Variants in CSMD1 observed in about 807,000 individuals in gnomAD.
The protein encoded by CSMD1 is CUB and sushi domain-containing protein 1.
A neutral mutation model predicts 417.5 loss-of-function variants in CSMD1; 213 were observed. The observed-to-expected ratio is 0.51, with a 90% CI of 0.46 to 0.57. The LOEUF (loss-of-function observed/expected upper bound fraction) is 0.57. CSMD1 is among the 20% of genes least tolerant of loss of function. The probability of loss-of-function intolerance (pLI) is 0.00; values close to 1 mark genes in which losing one functional copy is unlikely to be tolerated. For synonymous variants in CSMD1, 2,862 were observed against 1,736.8 expected (o/e 1.65, Z -16.11); for missense variants, 6,923 against 4,529.7 (o/e 1.53, Z -15.17).
intron 3 of CSMD1, among the ~76,000 whole-genome samples, chr8:4,166,648 G>T (rs181887194): frequency 7.9e-5 from 12 of 152,200 alleles, no homozygotes; most frequent in African/African-American, 2.6e-4. Context: ...TGCATATTGG[G>T]TACCGTGTAC....
intron 49 of CSMD1, among the ~76,000 whole-genome samples, chr8:3,076,171 C>T (rs1228823139): frequency 6.6e-6 from 1 of 152,196 alleles, no homozygotes; most frequent in Non-Finnish European, 1.5e-5. Flanking sequence ...GATTTTCTCA[C>T]AGTCCTGGAG....
intron 51 of CSMD1, among the ~76,000 whole-genome samples, chr8:3,020,341 T>G (rs1272838917): frequency 6.6e-6 from 1 of 152,128 alleles, no homozygotes; most frequent in Admixed American, 6.5e-5. Context: ...GAAAATAAAG[T>G]GATGCATGTA....
intron 3 of CSMD1, among the ~76,000 whole-genome samples, chr8:4,148,543 T>A (rs369590969): frequency 6.6e-6 from 1 of 152,064 alleles, no homozygotes; most frequent in Non-Finnish European, 1.5e-5. Context: ...CATTGGCTAC[T>A]TGGAGTTCTG....
chr8:3,708,991 C>G (rs1230638156), intron 6 of CSMD1, among the ~76,000 whole-genome samples: 3 of 152,142 alleles, frequency 2.0e-5, no homozygotes, highest in South Asian at 2.1e-4. Context: ...GAAAGGCATG[C>G]TCTACGTGCT....
intron 1 of CSMD1, among the ~76,000 whole-genome samples, chr8:4,655,393 A>C (rs999232609): frequency 6.6e-6 from 1 of 152,096 alleles, no homozygotes; most frequent in Non-Finnish European, 1.5e-5. Context: ...ACTAAGTGAT[A>C]GGAAGTAAAT....
rs1457442752 is a variant in CSMD1, at chr8:2,974,530, C to T, written c.8661G>A (p.Gly2887=). The T allele has an allele frequency of 6.2e-7, 1 of 1,613,616 alleles. No individual in the cohort carries two copies. Among genetic ancestry groups the T allele is most frequent in the Non-Finnish European group, 8.5e-7 (1 of 1,179,758 alleles). The change falls in exon 56 of 70, where the codon GGG becomes GGA. Residue 2887 remains glycine, a synonymous_variant. Transcript: ENST00000635120. Reference sequence around the variant, plus strand: ...TGTCGTTGCCTATGAGGCTCTCGCTCCCTCTGCAGGAGTAGTGCACGACGG... The same window carrying T: ...TGTCGTTGCCTATGAGGCTCTCGCTTCCTCTGCAGGAGTAGTGCACGACGG... ...YGAVVHYSCR[G]SESLIGNDTR...
intron 3 of CSMD1, among the ~76,000 whole-genome samples, chr8:4,396,902 A>G (rs1479416325): frequency 2.0e-5 from 3 of 152,248 alleles, no homozygotes; most frequent in Middle Eastern, 3.4e-3. Context: ...GGCAGATGGG[A>G]AACAAAAGAC....
chr8:3,654,198 T>G (rs936914571), intron 7 of CSMD1, among the ~76,000 whole-genome samples: 2 of 152,224 alleles, frequency 1.3e-5, no homozygotes, highest in African/African-American at 4.8e-5. Flanking sequence ...AGTGTTTTAA[T>G]ATTTACCTTC....
chr8:4,444,252 G>C (rs1213507039), intron 2 of CSMD1, among the ~76,000 whole-genome samples: 3 of 144,560 alleles, frequency 2.1e-5, no homozygotes, highest in African/African-American at 7.5e-5. Context: ...TGAGGCAGGA[G>C]AATTGCTTGA....
intron 17 of CSMD1, among the ~76,000 whole-genome samples, chr8:3,389,827 T>C (rs1357403797): frequency 6.6e-6 from 1 of 152,198 alleles, no homozygotes; most frequent in East Asian, 1.9e-4. Context: ...AATTGATGCT[T>C]AGTTCCAATA....
At chr8:4,931,872 T>TA (rs1807272053) in intron 1 of CSMD1, among the ~76,000 whole-genome samples, 1 of 152,230 alleles carries the variant, frequency 6.6e-6, no homozygotes, top group Non-Finnish European at 1.5e-5. Flanking sequence ...CTTCAAAGTT[T>TA]ATTGATTGTT....
chr8:2,948,415 C>T (rs1482700679), intron 68 of CSMD1, among the ~76,000 whole-genome samples: 1 of 151,832 alleles, frequency 6.6e-6, no homozygotes. Flanking sequence ...CCTTTAATCA[C>T]TAAGGCAAAA....
intron 5 of CSMD1, among the ~76,000 whole-genome samples, chr8:3,907,727 T>C (rs898916216): frequency 5.3e-5 from 8 of 152,212 alleles, no homozygotes; most frequent in Non-Finnish European, 1.0e-4. Flanking sequence ...AGAAGTGTTA[T>C]GTGAGTAATC....
At chr8:3,020,773 A>G (rs1809302330) in intron 51 of CSMD1, among the ~76,000 whole-genome samples, 1 of 152,174 alleles carries the variant, frequency 6.6e-6, no homozygotes, top group African/African-American at 2.4e-5. Flanking sequence ...TGGGAGGTCC[A>G]ACTCGAGAGT....
rs183192460 is a variant in CSMD1 at position 3,467,563 on chromosome 8, C to T, written c.1561+1149G>A. Among the ~76,000 whole-genome samples, 15 of 152,278 alleles carry T rather than the reference C, an allele frequency of 9.9e-5. No homozygotes were observed. The East Asian group carries it at 2.5e-3, about 25-fold the overall frequency. Reference sequence around the variant, plus strand: ...ATTTTTTGTCGTAGTATTTCTTATTCACAAGGGTCATTAAGTCCCCAACAC... The same window carrying T: ...ATTTTTTGTCGTAGTATTTCTTATTTACAAGGGTCATTAAGTCCCCAACAC... On this transcript the variant is annotated intron_variant, in intron 12 of 69. Coordinates refer to ENST00000635120, the MANE Select transcript of CSMD1 (RefSeq NM_033225.6).
At chr8:3,770,343 A>C (rs1798501402) in intron 5 of CSMD1, among the ~76,000 whole-genome samples, 1 of 152,158 alleles carries the variant, frequency 6.6e-6, no homozygotes, top group Non-Finnish European at 1.5e-5. Flanking sequence ...AGCCTGTCCT[A>C]TGTGGTGAAA....
At chr8:4,974,329 A>G (rs1435492660) in intron 1 of CSMD1, among the ~76,000 whole-genome samples, 3 of 152,124 alleles carry the variant, frequency 2.0e-5, no homozygotes, top group Admixed American at 2.0e-4. Flanking sequence ...TTTGAAGAGC[A>G]CAGTCTCACA....
chr8:4,258,959 G>T (rs752960011), intron 3 of CSMD1, among the ~76,000 whole-genome samples: 1 of 152,266 alleles, frequency 6.6e-6, no homozygotes, highest in East Asian at 1.9e-4. Flanking sequence ...AATACACTAA[G>T]GTGTATAAAT....
At chr8:4,651,710 G>A (rs991181563) in intron 1 of CSMD1, among the ~76,000 whole-genome samples, 2 of 152,058 alleles carry the variant, frequency 1.3e-5, no homozygotes, top group African/African-American at 2.4e-5. Flanking sequence ...ATTTCAACAT[G>A]ACACTCTAAT....
Sources: gnomAD v4.1 joint callset for allele counts (sites outside exome capture counted in the v4.1 genomes callset) on GRCh38, gnomAD v4.1.1 for gene constraint, MANE v1.5 for transcripts, NCBI Gene and HGNC (gene_info 2026-07-23, HGNC 2026-07-21) for gene names.